SLC24A1: variants seen among roughly 807,000 people sequenced by gnomAD.
The protein encoded by SLC24A1 is sodium/potassium/calcium exchanger 1.
A neutral mutation model predicts 88.1 loss-of-function variants in SLC24A1; 52 were observed. That is an observed-to-expected ratio of 0.59 (90% CI 0.47 to 0.74). The LOEUF (loss-of-function observed/expected upper bound fraction) is 0.74, where lower values mean the gene tolerates loss of function less well. SLC24A1 is among the 30% of genes least tolerant of loss of function. The pLI is 0.00. For missense variants in SLC24A1, 1,173 were observed against 1,363.3 expected (o/e 0.86, Z 2.20); for synonymous variants, 455 against 498.0 (o/e 0.91, Z 1.15).
At chr15:65,645,761 A>G (rs1219750805) in intron 6 of SLC24A1, 58 bp downstream of exon 6, 1 of 1,132,690 alleles carries the variant, frequency 8.8e-7, no homozygotes, top group East Asian at 2.6e-5. Flanking sequence ...GGAACTCTTG[A>G]CCAAAAATAC....
At chr15:65,658,796 C>T (rs962798819), downstream of SLC24A1, among the ~76,000 whole-genome samples, 7 of 151,992 alleles carry the variant, frequency 4.6e-5, no homozygotes, top group African/African-American at 1.7e-4. Context: ...ACTTAAGTAT[C>T]ATAGTAATTA....
At chr15:65,644,812 T>C (rs58008262) in intron 5 of SLC24A1, among the ~76,000 whole-genome samples, 1,880 of 152,288 alleles carry the variant, frequency 0.012, 40 homozygotes, top group African/African-American at 0.043. Flanking sequence ...GTTGTTGAAC[T>C]CCCACTTCTT....
chr15:65,640,668 T>C lies in SLC24A1; in HGVS notation c.2053+965T>C, dbSNP rs549987472. Among the ~76,000 whole-genome samples, 10 of 152,326 alleles carry C rather than the reference T, an allele frequency of 6.6e-5. No individual in the cohort carries two copies. In the South Asian group the frequency reaches 2.1e-3, roughly 32 times the overall value. On this transcript the variant is annotated intron_variant, in intron 4 of 9. Transcript: ENST00000261892. ...ATTGAGTCCCAGGGAGCACTCTGAC[T>C]GACCTTTCTGGCTCAAGGACAAATT...
At chr15:65,630,963 T>A (rs1025394057) in intron 2 of SLC24A1, among the ~76,000 whole-genome samples, 1 of 152,074 alleles carries the variant, frequency 6.6e-6, no homozygotes, top group East Asian at 1.9e-4. Flanking sequence ...AGAGCAAGAC[T>A]CTGTCTCAAA....
In SLC24A1 at chr15:65,624,003, C is replaced by G. The variant is rs2074409926; in HGVS notation, c.-78C>G. 1 of 1,344,056 alleles carries G rather than the reference C, an allele frequency of 7.4e-7. No individual in the cohort carries two copies. The highest frequency in any genetic ancestry group is 1.0e-6 in the Non-Finnish European group (1 of 980,578). 83.3% of individuals were successfully genotyped at this position (1,344,056 alleles called of 1,614,324 possible). A position where few individuals can be genotyped will look rare whatever the true frequency, so the allele number is the denominator to read the frequency against. ...GCTTCATGGAGAAATCTTCTCTGAT[C>G]ACCAACCTGAATCCCAGAGTAGCCT... On this transcript the variant is annotated 5_prime_UTR_variant, in exon 2 of 10. In the 5' UTR this introduces an upstream ATG that the reference lacks. Transcript: ENST00000261892.
At chr15:65,633,693 TC>T (rs1007469500) in intron 2 of SLC24A1, among the ~76,000 whole-genome samples, 11 of 152,164 alleles carry the variant, frequency 7.2e-5, no homozygotes, top group African/African-American at 2.4e-4. Flanking sequence ...CTTGTTTCTT[TC>T]ACTTTTAAAA....
At chr15:65,653,290 C>T (rs2075564457) in intron 9 of SLC24A1, among the ~76,000 whole-genome samples, 1 of 152,144 alleles carries the variant, frequency 6.6e-6, no homozygotes, top group East Asian at 1.9e-4. Flanking sequence ...GAAACAGGGG[C>T]TATTTTCATT....
upstream of SLC24A1, among the ~76,000 whole-genome samples, chr15:65,619,848 C>T (rs566529378): frequency 6.6e-6 from 1 of 152,244 alleles, no homozygotes; most frequent in Non-Finnish European, 1.5e-5. Context: ...CCCATCTGTT[C>T]TTCCATCCTG....
intron 7 of SLC24A1, 41 bp from the exon 8 acceptor site, chr15:65,651,629 C>T (rs1287884542): frequency 9.3e-7 from 1 of 1,070,970 alleles, no homozygotes; most frequent in Non-Finnish European, 1.4e-6. Context: ...ACCTTTTAAC[C>T]TCTACAGCTT....
At chr15:65,640,849 A>G (rs1596331363) in intron 4 of SLC24A1, among the ~76,000 whole-genome samples, 1 of 151,550 alleles carries the variant, frequency 6.6e-6, no homozygotes, top group African/African-American at 2.4e-5. Flanking sequence ...GCCTGAGCTC[A>G]GGAGTCCAAG....
chr15:65,627,400 T>C (rs1566950396), intron 2 of SLC24A1, among the ~76,000 whole-genome samples: 1 of 152,210 alleles, frequency 6.6e-6, no homozygotes, highest in African/African-American at 2.4e-5. Flanking sequence ...TGAGCTTCTA[T>C]TGTGTCATTT....
At position 65,655,038 on chromosome 15, in the gene SLC24A1, G is replaced by A; in HGVS notation, c.*959G>A. The A allele has an allele frequency of 9.6e-7, 1 of 1,042,546 alleles. No homozygotes were observed. The highest frequency in any genetic ancestry group is 3.1e-5 in the South Asian group (1 of 32,428). The allele number at this position is 1,042,546 out of a possible 1,614,324, so 64.6% of individuals were successfully genotyped here. A position where few individuals can be genotyped will look rare whatever the true frequency, so the allele number is the denominator to read the frequency against. On this transcript the variant is annotated 3_prime_UTR_variant, in exon 10 of 10. Coordinates refer to ENST00000261892, the MANE Select transcript of SLC24A1 (RefSeq NM_004727.3). Reference sequence around the variant, plus strand: ...TTGGAAGGAATGGAGATTAGGGAAGGAAAACTACTCTAGAGGCCATTTAAA... The same window carrying A: ...TTGGAAGGAATGGAGATTAGGGAAGAAAAACTACTCTAGAGGCCATTTAAA...
At chr15:65,635,296 A>G (rs530385091) in intron 2 of SLC24A1, among the ~76,000 whole-genome samples, 2 of 151,850 alleles carry the variant, frequency 1.3e-5, no homozygotes, top group Non-Finnish European at 2.9e-5. Context: ...CCCGGCCAAT[A>G]TGGTGAAACC....
rs1382781162 is a variant in SLC24A1, at chr15:65,655,108, G to T, written c.*1029G>T. ...ATGCAAATTCATGTTGTCTCCATCAGTGGTCACCTTGAGGGATTAGACATT... is the reference window on the plus strand; with the variant it reads ...ATGCAAATTCATGTTGTCTCCATCATTGGTCACCTTGAGGGATTAGACATT... On this transcript the variant is annotated 3_prime_UTR_variant, in exon 10 of 10. Transcript: ENST00000261892. The T allele has an allele frequency of 1.3e-5, 13 of 1,008,020 alleles. No individual in the cohort carries two copies. The South Asian group carries it at 5.2e-4, about 40-fold the overall frequency. The allele number at this position is 1,008,020 out of a possible 1,614,324, so 62.4% of individuals were successfully genotyped here.
intron 6 of SLC24A1, among the ~76,000 whole-genome samples, chr15:65,646,098 C>G (rs1051034668): frequency 7.2e-5 from 11 of 152,224 alleles, no homozygotes; most frequent in African/African-American, 2.7e-4. Context: ...TCATTGCCTA[C>G]TGCACCTGGT....
downstream of SLC24A1, among the ~76,000 whole-genome samples, chr15:65,656,429 G>A (rs1186342503): frequency 1.3e-5 from 2 of 152,066 alleles, no homozygotes; most frequent in African/African-American, 4.8e-5. Flanking sequence ...TTGGTGAGAT[G>A]GAAAACTTGT....
intron 2 of SLC24A1, among the ~76,000 whole-genome samples, chr15:65,627,307 A>G (rs2074552744): frequency 6.6e-6 from 1 of 152,126 alleles, no homozygotes; most frequent in African/African-American, 2.4e-5. Context: ...TCTAACTCTA[A>G]CATTCTATGA....
At position 65,625,684 on chromosome 15, in the gene SLC24A1, A is replaced by G. The variant is rs1292243223; in HGVS notation, c.1604A>G (p.Asn535Ser). The stretch of plus-strand genomic sequence containing the variant: ...ACCATTGTGGGCTCTGCTGTGTTCA[A>G]CATTCTCTTTGTCATTGGCACTTGT... ...IGTIVGSAVF[N>S]ILFVIGTCSL... Residue 535 changes from asparagine (N) to serine (S), a missense_variant, in exon 2 of 10, where the codon AAC becomes AGC. Transcript: ENST00000261892. The G allele has an allele frequency of 5.0e-6, 8 of 1,614,008 alleles. No homozygotes were observed. In the East Asian group the frequency reaches 8.9e-5, roughly 18 times the overall value.
At chr15:65,637,929 G>A (rs527989441) in intron 2 of SLC24A1, among the ~76,000 whole-genome samples, 199 bp from the exon 3 acceptor site, 6 of 152,326 alleles carry the variant, frequency 3.9e-5, no homozygotes, top group African/African-American at 1.4e-4. Flanking sequence ...GATTCGACTG[G>A]GGGTACTGCA....
Sources: allele counts gnomAD v4.1 joint callset (sites outside exome capture counted in the v4.1 genomes callset), GRCh38; gene constraint gnomAD v4.1.1; transcripts MANE v1.5; gene names NCBI Gene and HGNC (gene_info 2026-07-23, HGNC 2026-07-21).